DUOX2: variants seen among roughly 807,000 people sequenced by gnomAD.
The protein encoded by DUOX2 is dual oxidase 2, also known as NADH/NADPH thyroid oxidase p138-tox.
DUOX2 carries 185 observed loss-of-function variants against 183.3 expected under a neutral mutation model. The observed-to-expected ratio is 1.01, with a 90% CI of 0.90 to 1.14. The LOEUF is 1.14. Among genes scored for constraint, DUOX2 ranks in the 50% most tolerant of loss-of-function variants. The pLI is 0.00. For missense variants in DUOX2, 1,999 were observed against 2,022.9 expected (o/e 0.99, Z 0.23); for synonymous variants, 788 against 812.4 (o/e 0.97, Z 0.51).
chr15:45,106,458 T>C, intron 16 of DUOX2, 70 bp downstream of exon 16: 2 of 1,595,348 alleles, frequency 1.3e-6, no homozygotes, highest in Non-Finnish European at 1.7e-6. Flanking sequence ...TGTAACTTGG[T>C]TCTTTCTCCC....
intron 7 of DUOX2, 46 bp from the exon 8 acceptor site, chr15:45,110,756 G>A (rs1363525241): frequency 9.9e-6 from 16 of 1,611,576 alleles, no homozygotes; most frequent in Non-Finnish European, 1.4e-5. Flanking sequence ...TGGATGGTGT[G>A]GGGCCTGGAA....
chr15:45,107,225 T>A, intron 14 of DUOX2, 120 bp downstream of exon 14: 4 of 1,376,968 alleles, frequency 2.9e-6, no homozygotes, highest in Non-Finnish European at 3.1e-6. Context: ...AATGCAGGCC[T>A]CCTAGCCCAA....
Position 45,093,734 on chromosome 15 carries a change from T to G in DUOX2, c.*416A>C. 1 of 243,120 alleles carries G rather than the reference T, an allele frequency of 4.1e-6. No individual in the cohort carries two copies. Among genetic ancestry groups the G allele is most frequent in the Non-Finnish European group, 8.3e-6 (1 of 120,182 alleles). 15.1% of individuals were successfully genotyped at this position (243,120 alleles called of 1,614,324 possible). A position where few individuals can be genotyped will look rare whatever the true frequency, so the allele number is the denominator to read the frequency against. ...GGGAGCTATCGGAGACAAGCACTAT[T>G]GTACCTTTTCACCTCCACACTTGTC... On this transcript the variant is annotated 3_prime_UTR_variant, in exon 34 of 34. Coordinates refer to ENST00000389039, the MANE Select transcript of DUOX2 (RefSeq NM_001363711.2).
At chr15:45,103,446 GT>G (rs143341520) in intron 20 of DUOX2, among the ~76,000 whole-genome samples, 3 of 151,430 alleles carry the variant, frequency 2.0e-5, no homozygotes, top group South Asian at 2.1e-4. Context: ...GCACAAAGCT[GT>G]TTTTTTTTAC....
chr15:45,104,099 C>A, intron 19 of DUOX2, 41 bp downstream of exon 19: 3 of 1,614,018 alleles, frequency 1.9e-6, no homozygotes, highest in Non-Finnish European at 2.5e-6. Flanking sequence ...GCTGAAAGAC[C>A]CCTGGATTCT....
In DUOX2 at chr15:45,106,112, G is replaced by C; in HGVS notation, c.2148+13C>G. ...GAGGGCAGCCCAGGCTGGGGAGGCA[G>C]GACGAGCCATACCAGGTCATACTCC... is the stretch of plus-strand genomic sequence containing the variant. On this transcript the variant is annotated intron_variant, in intron 17 of 33. Transcript: ENST00000389039. 1 of 1,614,020 alleles carries C rather than the reference G, an allele frequency of 6.2e-7. No individual in the cohort carries two copies. Among genetic ancestry groups the C allele is most frequent in the Non-Finnish European group, 8.5e-7 (1 of 1,179,984 alleles).
Position 45,107,885 on chromosome 15 carries a change from GA to G in DUOX2, c.1574+161del, listed in dbSNP as rs11366449. ...AAAAAAAAAAAAAGAAAAAGAAAAA[GA>G]AAAAGAGAAGAGAAGAAAAAAAGAG... On this transcript the variant is annotated intron_variant, in intron 13 of 33. Transcript: ENST00000389039. Among the ~76,000 whole-genome samples, 3,534 of 20,974 alleles carry G rather than the reference GA, an allele frequency of 0.17. 98 individuals carry two copies. Among genetic ancestry groups the G allele is most frequent in the African/African-American group, 0.31 (2,323 of 7,464 alleles). The allele number at this position is 20,974 out of a possible 152,430, so 13.8% of individuals were successfully genotyped here.
chr15:45,098,742 G>A (rs1223784323), intron 26 of DUOX2, among the ~76,000 whole-genome samples: 5 of 149,546 alleles, frequency 3.3e-5, no homozygotes, highest in African/African-American at 4.9e-5. Flanking sequence ...TTGCTCTGTC[G>A]CCCAGGCTGG....
At chr15:45,105,549 G>A in intron 18 of DUOX2, 94 bp downstream of exon 18, 1 of 1,476,882 alleles carries the variant, frequency 6.8e-7, no homozygotes, top group South Asian at 1.1e-5. Flanking sequence ...CCATAGAGCG[G>A]AAGCTTAGTT....
In DUOX2 at chr15:45,093,856, A is replaced by G; in HGVS notation, c.*294T>C. On this transcript the variant is annotated 3_prime_UTR_variant, in exon 34 of 34. Transcript: ENST00000389039. Reference sequence around the variant, plus strand: ...TCTTTATCTTCTTTGGGAGATCCTGACTGGTTGCGCACTTGCTAAGGGCAG... The same window carrying G: ...TCTTTATCTTCTTTGGGAGATCCTGGCTGGTTGCGCACTTGCTAAGGGCAG... The G allele has an allele frequency of 2.4e-6, 1 of 412,160 alleles. No individual in the cohort carries two copies. Among genetic ancestry groups the G allele is most frequent in the South Asian group, 2.3e-5 (1 of 44,102 alleles). 25.5% of individuals were successfully genotyped at this position (412,160 alleles called of 1,614,324 possible). A position where few individuals can be genotyped will look rare whatever the true frequency, so the allele number is the denominator to read the frequency against.
chr15:45,106,808 C>T (rs1415984866), intron 15 of DUOX2, 24 bp downstream of exon 15: 4 of 1,598,046 alleles, frequency 2.5e-6, no homozygotes, highest in Non-Finnish European at 3.4e-6. Context: ...GGCCAGTCTG[C>T]AGAGAGGCTG....
chr15:45,113,088 G>C lies in DUOX2; in HGVS notation c.71-12C>G. The C allele has an allele frequency of 6.2e-7, 1 of 1,612,704 alleles. No individual in the cohort carries two copies. Among genetic ancestry groups the C allele is most frequent in the Non-Finnish European group, 8.5e-7 (1 of 1,179,316 alleles). On this transcript the variant is annotated splice_polypyrimidine_tract_variant and intron_variant, in intron 2 of 33. Coordinates refer to ENST00000389039, the MANE Select transcript of DUOX2 (RefSeq NM_001363711.2). The stretch of plus-strand genomic sequence containing the variant: ...TGCGTCCTGACTGCCTGTGGGCACA[G>C]AGAAGGGCCTCCTCAGCACTACGCT...
rs1338827777 is a variant in DUOX2, at chr15:45,101,293, G to A, written c.2852-19C>T. 21 of 1,607,556 alleles carry A rather than the reference G, an allele frequency of 1.3e-5. No individual in the cohort carries two copies. Among genetic ancestry groups the A allele is most frequent in the Non-Finnish European group, 1.7e-5 (20 of 1,175,628 alleles). On this transcript the variant is annotated intron_variant, in intron 21 of 33. Transcript: ENST00000389039. ...CTAATACCTAGAGAAAAGAACAAGA[G>A]GCAGGACTGGCTTCCCCACAAGGGC...
In DUOX2 at chr15:45,106,941, G is replaced by A. The variant is rs1189289816; in HGVS notation, c.1722C>T (p.Leu574=). 2 of 1,579,330 alleles carry A rather than the reference G, an allele frequency of 1.3e-6. No individual in the cohort carries two copies. Among genetic ancestry groups the A allele is most frequent in the South Asian group, 1.2e-5 (1 of 85,974 alleles). Residue 574 remains leucine, a synonymous_variant, in exon 15 of 34, where the codon CTC becomes CTT. Coordinates refer to ENST00000389039, the MANE Select transcript of DUOX2 (RefSeq NM_001363711.2). ...KGAPCPQPKQ[L]TTDGLPQCAP... ...CACACTGGGGCAGGCCGTCAGTTGT[G>A]AGCTGCTTAGGTTGAGGGCAGGGTG... is the stretch of plus-strand genomic sequence containing the variant.
At chr15:45,099,569 G>C in intron 25 of DUOX2, 87 bp from the exon 26 acceptor site, 1 of 1,580,870 alleles carries the variant, frequency 6.3e-7, no homozygotes, top group Non-Finnish European at 8.7e-7. Flanking sequence ...AGGGAGGAGA[G>C]ATGGAGGTAT....
chr15:45,101,761 T>A, intron 21 of DUOX2, 32 bp downstream of exon 21: 1 of 1,613,930 alleles, frequency 6.2e-7, no homozygotes, highest in Non-Finnish European at 8.5e-7. Flanking sequence ...ACGCCCCCCC[T>A]CCCTGACGCC....
At chr15:45,109,767 C>G (rs1894328095) in intron 10 of DUOX2, 123 bp downstream of exon 10, 2 of 1,312,202 alleles carry the variant, frequency 1.5e-6, no homozygotes, top group African/African-American at 1.4e-5. Flanking sequence ...ATAATTTCCT[C>G]TACCCTTCAT....
At chr15:45,097,938 G>C in intron 27 of DUOX2, 71 bp downstream of exon 27, 2 of 1,552,008 alleles carry the variant, frequency 1.3e-6, no homozygotes, top group South Asian at 2.2e-5. Context: ...ATAGACAAGT[G>C]AGTATTCACA....
intron 31 of DUOX2, 120 bp from the exon 32 acceptor site, chr15:45,095,211 G>T: frequency 6.9e-7 from 1 of 1,452,878 alleles, no homozygotes; most frequent in East Asian, 2.4e-5. Context: ...GCTGTGGCAG[G>T]ACCCACCAGC....
Sources: allele counts gnomAD v4.1 joint callset (sites outside exome capture counted in the v4.1 genomes callset), GRCh38; gene constraint gnomAD v4.1.1; transcripts MANE v1.5; gene names NCBI Gene and HGNC (gene_info 2026-07-23, HGNC 2026-07-21).